Variants in CADM3 observed in about 807,000 individuals in gnomAD.
The protein encoded by CADM3 is TSLC1-like 1.
CADM3 carries 11 observed loss-of-function variants against 44.9 expected under a neutral mutation model. That is an observed-to-expected ratio of 0.25 (90% confidence interval 0.15 to 0.41). The LOEUF is 0.41. Among genes scored for constraint, CADM3 ranks in the 10% least tolerant of loss-of-function variants. CADM3 has a pLI of 1.00. For missense variants in CADM3, 426 were observed against 512.0 expected (o/e 0.83, Z 1.62); for synonymous variants, 207 against 205.2 (o/e 1.01, Z -0.08).
intron 1 of CADM3, among the ~76,000 whole-genome samples, chr1:159,188,450 C>G (rs941494683): frequency 6.6e-6 from 1 of 151,996 alleles, no homozygotes; most frequent in African/African-American, 2.4e-5. Flanking sequence ...GACCTCCCGG[C>G]CCCCGCGCGC....
chr1:159,189,676 C>T (rs937792317), intron 1 of CADM3: 4 of 939,300 alleles, frequency 4.3e-6, no homozygotes, highest in Non-Finnish European at 6.6e-6. Context: ...TTCACAGGGA[C>T]CTAGCCTTTC....
intron 7 of CADM3, chr1:159,197,725 T>A (rs1307961788): frequency 6.6e-6 from 1 of 152,162 alleles, no homozygotes; most frequent in Non-Finnish European, 1.5e-5. Flanking sequence ...AAGATCCCAA[T>A]GGCTGTGGGT....
chr1:159,200,564 C>T (rs1296235665), intron 8 of CADM3, among the ~76,000 whole-genome samples: 3 of 90,318 alleles, frequency 3.3e-5, no homozygotes, highest in Non-Finnish European at 1.0e-4. Flanking sequence ...ACTTCTCTTT[C>T]TTGCTTTGTA....
chr1:159,180,892 G>C (rs372123277), intron 1 of CADM3, among the ~76,000 whole-genome samples: 71 of 152,280 alleles, frequency 4.7e-4, no homozygotes, highest in African/African-American at 1.7e-3. Context: ...AATATCTAAA[G>C]TGCAACATAA....
chr1:159,180,739 C>T (rs541699538), intron 1 of CADM3, among the ~76,000 whole-genome samples: 2 of 152,240 alleles, frequency 1.3e-5, no homozygotes, highest in East Asian at 3.9e-4. Context: ...CACACCCAGA[C>T]TCTGATCATC....
At position 159,196,431 on chromosome 1, in the gene CADM3, C is replaced by T. The variant is rs934754926; in HGVS notation, c.759C>T (p.His253=). 6 of 1,613,970 alleles carry T rather than the reference C, an allele frequency of 3.7e-6. No homozygotes were observed. In the East Asian group the frequency reaches 6.7e-5, roughly 18 times the overall value. Residue 253 remains histidine, a synonymous_variant, in exon 6 of 9, where the codon CAC becomes CAT. Coordinates refer to ENST00000368125, the MANE Select transcript of CADM3 (RefSeq NM_001127173.3). The stretch of plus-strand genomic sequence containing the variant: ...GTGAGGGCCAGAAGCTGTTGCTACA[C>T]TGTGAGGGTCGCGGCAATCCAGTGT... ...HPREGQKLLL[H]CEGRGNPVPQ...
At chr1:159,183,155 C>T (rs1204701991) in intron 1 of CADM3, among the ~76,000 whole-genome samples, 2 of 152,190 alleles carry the variant, frequency 1.3e-5, no homozygotes, top group Non-Finnish European at 2.9e-5. Flanking sequence ...GTACAGGTTC[C>T]TTCCAAATCT....
intron 1 of CADM3, among the ~76,000 whole-genome samples, chr1:159,174,148 T>G (rs1648929400): frequency 6.6e-6 from 1 of 152,204 alleles, no homozygotes; most frequent in African/African-American, 2.4e-5. Context: ...AGCATTATCT[T>G]TACAGATAAT....
chr1:159,201,215 G>A lies in CADM3; in HGVS notation c.*293G>A, dbSNP rs184809510. On this transcript the variant is annotated 3_prime_UTR_variant, in exon 9 of 9. Transcript: ENST00000368125. ...CCCAAATCAAATCTGTCTCCAGGCT[G>A]GAGAGGCAGGAGCCCTGGGGTGAGA... 3.5e-3 allele frequency: 655 copies of A among 186,542 alleles called. 2 individuals are homozygous for A. Among genetic ancestry groups the A allele is most frequent in the Non-Finnish European group, 5.7e-3 (514 of 90,136 alleles). The allele number at this position is 186,542 out of a possible 1,614,324, so 11.6% of individuals were successfully genotyped here.
intron 7 of CADM3, chr1:159,197,471 T>C (rs927999821): frequency 6.0e-6 from 1 of 167,150 alleles, no homozygotes; most frequent in Non-Finnish European, 1.3e-5. Context: ...TGCATGCAAC[T>C]GCTGTCATTT....
chr1:159,192,022 T>C lies in CADM3; in HGVS notation c.175T>C (p.Ser59Pro). Residue 59 changes from serine to proline, a missense_variant, in exon 2 of 9, where the codon TCC becomes CCC. By Grantham distance (74) the Ser-to-Pro change is moderately conservative (BLOSUM62 -1). This residue lies in a region of CADM3 where 362 missense variants were observed against 474.6 expected (regional missense o/e 0.76). Coordinates refer to ENST00000368125, the MANE Select transcript of CADM3 (RefSeq NM_001127173.3). ...CCAAGTGAAAGATCACGAGGACTCA[T>C]CCCTGCAATGGTCTAACCCTGCTCA... is the stretch of plus-strand genomic sequence containing the variant. The part of the protein sequence containing the change: ...KCQVKDHEDS[S>P]LQWSNPAQQT... 6.2e-7 allele frequency: 1 copy of C among 1,614,154 alleles called. No homozygotes were observed. Among genetic ancestry groups the C allele is most frequent in the Non-Finnish European group, 8.5e-7 (1 of 1,180,026 alleles).
chr1:159,178,403 A>G (rs1649105436), intron 1 of CADM3: 2 of 152,234 alleles, frequency 1.3e-5, no homozygotes, highest in Admixed American at 6.5e-5. Flanking sequence ...AAGACAATAC[A>G]TAACAATGGG....
At chr1:159,189,053 C>T (rs1320093905) in intron 1 of CADM3, among the ~76,000 whole-genome samples, 1 of 152,086 alleles carries the variant, frequency 6.6e-6, no homozygotes, top group Non-Finnish European at 1.5e-5. Flanking sequence ...ATTTGAGTAG[C>T]CCATAGAAGG....
intron 1 of CADM3, among the ~76,000 whole-genome samples, chr1:159,190,753 A>C (rs2102120037): frequency 6.6e-6 from 1 of 152,356 alleles, no homozygotes; most frequent in East Asian, 1.9e-4. Context: ...GCAGACAGGC[A>C]GGGGTAAGGT....
At chr1:159,187,179 CTGAT>C in intron 1 of CADM3, among the ~76,000 whole-genome samples, 1 of 152,314 alleles carries the variant, frequency 6.6e-6, no homozygotes, top group Non-Finnish European at 1.5e-5. Flanking sequence ...CATGCTCTGC[CTGAT>C]TAACAATATA....
chr1:159,180,904 G>A (rs1472195631), intron 1 of CADM3, among the ~76,000 whole-genome samples: 2 of 152,130 alleles, frequency 1.3e-5, no homozygotes, highest in Non-Finnish European at 2.9e-5. Flanking sequence ...GCAACATAAG[G>A]AGCATAGGAG....
chr1:159,173,609 C>T (rs938955806), intron 1 of CADM3, among the ~76,000 whole-genome samples: 4 of 152,150 alleles, frequency 2.6e-5, no homozygotes, highest in African/African-American at 7.2e-5. Flanking sequence ...GCTAAGTGCA[C>T]GACAGAGAGG....
At chr1:159,185,472 G>A (rs535924217) in intron 1 of CADM3, among the ~76,000 whole-genome samples, 1 of 152,250 alleles carries the variant, frequency 6.6e-6, no homozygotes, top group East Asian at 1.9e-4. Context: ...TGGGCTTTGT[G>A]GTCAGAGAGG....
chr1:159,189,987 G>A, intron 1 of CADM3: 1 of 695,218 alleles, frequency 1.4e-6, no homozygotes, highest in Non-Finnish European at 2.5e-6. Flanking sequence ...TTACCACACA[G>A]CACTTTCTCC....
Sources: allele counts gnomAD v4.1 joint callset (sites outside exome capture counted in the v4.1 genomes callset), GRCh38; gene constraint gnomAD v4.1.1; regional missense constraint gnomAD v4.1.1; transcripts MANE v1.5; gene names NCBI Gene and HGNC (gene_info 2026-07-23, HGNC 2026-07-21).